The following AMPH variants were observed in gnomAD, a reference collection of about 807,000 sequenced individuals.
The protein encoded by AMPH is amphiphysin.
AMPH carries 49 observed loss-of-function variants against 99.1 expected under a neutral mutation model. The ratio of observed to expected loss-of-function variants is 0.49; its 90% CI spans 0.39 to 0.63. The LOEUF (loss-of-function observed/expected upper bound fraction) is 0.63. Ranked by LOEUF, AMPH falls within the 20% of genes least tolerant of loss-of-function variation. The probability of loss-of-function intolerance (pLI) is 0.00; values close to 1 mark genes in which losing one functional copy is unlikely to be tolerated. For missense variants in AMPH, 759 were observed against 863.4 expected, an observed-to-expected ratio of 0.88 and a Z score of 1.52; for synonymous variants, 314 against 317.3, an observed-to-expected ratio of 0.99 and a Z score of 0.11.
At chr7:38,413,185 A>T (rs1327560663) in intron 17 of AMPH, among the ~76,000 whole-genome samples, 1 of 152,192 alleles carries the variant, frequency 6.6e-6, no homozygotes, top group Non-Finnish European at 1.5e-5. Context: ...AACTGACAAC[A>T]TGTTTTATTT....
At chr7:38,508,445 AT>A (rs1789415505) in intron 2 of AMPH, among the ~76,000 whole-genome samples, 1 of 152,248 alleles carries the variant, frequency 6.6e-6, no homozygotes, top group Admixed American at 6.5e-5. Flanking sequence ...AACTTTTGTT[AT>A]AAAAAGAAAA....
rs369542614 is a variant in AMPH, at chr7:38,577,399, ATC to A, written c.70-42390_70-42389del. ...CCATAAGCAGATGCTAAGAAAGGGT[ATC>A]CACTGGAATGCCACCCCACTCTGAA... is the stretch of plus-strand genomic sequence containing the variant. On this transcript the variant is annotated intron_variant, in intron 1 of 20. Coordinates refer to ENST00000356264, the MANE Select transcript of AMPH (RefSeq NM_001635.4). Among the ~76,000 whole-genome samples the A allele has an allele frequency of 6.1e-3, 924 of 152,312 alleles. 7 individuals are homozygous for A. The highest frequency in any genetic ancestry group is 0.01 in the Non-Finnish European group (695 of 68,020).
intron 17 of AMPH, among the ~76,000 whole-genome samples, chr7:38,413,248 T>C (rs192388962): frequency 1.2e-3 from 186 of 152,268 alleles, no homozygotes; most frequent in Non-Finnish European, 1.3e-4. Flanking sequence ...CCATTTTATA[T>C]TTGAGGTAAG....
chr7:38,509,639 A>C (rs1789462917), intron 2 of AMPH, among the ~76,000 whole-genome samples: 1 of 152,106 alleles, frequency 6.6e-6, no homozygotes, highest in Admixed American at 6.5e-5. Context: ...ACCCTTGAAA[A>C]ACCACTCAGT....
At chr7:38,605,779 A>G (rs1793415548) in intron 1 of AMPH, among the ~76,000 whole-genome samples, 1 of 151,934 alleles carries the variant, frequency 6.6e-6, no homozygotes, top group Non-Finnish European at 1.5e-5. Flanking sequence ...ACAGGGTTTC[A>G]CTATGTTGGC....
rs1370662806 is a variant in AMPH, at chr7:38,391,745, T to C, written c.1878+3A>G. 6.2e-7 allele frequency: 1 copy of C among 1,611,284 alleles called. No individual in the cohort carries two copies. ...ATAAATGAGACTTAAAAAATAAGAA[T>C]ACCTTGTAGAGAAAGCCAGGAGGCA... On this transcript the variant is annotated splice_donor_region_variant and intron_variant, in intron 19 of 20. Transcript: ENST00000356264.
chr7:38,491,491 C>T (rs189001255), intron 4 of AMPH, among the ~76,000 whole-genome samples: 140 of 152,238 alleles, frequency 9.2e-4, no homozygotes, highest in African/African-American at 3.1e-3. Context: ...TTGCTTTTGA[C>T]GCACTCCATG....
At chr7:38,429,478 C>A in intron 14 of AMPH, 1 of 1,317,222 alleles carries the variant, frequency 7.6e-7, no homozygotes, top group Non-Finnish European at 9.9e-7. Flanking sequence ...GTAAATGCAC[C>A]TATATCATTT....
At chr7:38,555,240 A>C (rs1033076696) in intron 1 of AMPH, among the ~76,000 whole-genome samples, 1 of 110,810 alleles carries the variant, frequency 9.0e-6, no homozygotes, top group Non-Finnish European at 1.8e-5. Context: ...ACCTGTCTCT[A>C]ACACAATTTA....
rs561427514 is a variant in AMPH at position 38,476,358 on chromosome 7, T to A, written c.504+504A>T. Reference sequence around the variant, plus strand: ...GTGTGTAGGCACATAGGAAAAGGCATGACTGGAAGAAGAGGGTATAGTTAG... The same window carrying A: ...GTGTGTAGGCACATAGGAAAAGGCAAGACTGGAAGAAGAGGGTATAGTTAG... On this transcript the variant is annotated intron_variant, in intron 6 of 20. Coordinates refer to ENST00000356264, the MANE Select transcript of AMPH (RefSeq NM_001635.4). Among the ~76,000 whole-genome samples the A allele has an allele frequency of 2.0e-5, 3 of 152,306 alleles. No individual in the cohort carries two copies. In the East Asian group the frequency reaches 5.8e-4, roughly 29 times the overall value.
At chr7:38,518,205 T>C (rs1789824542) in intron 2 of AMPH, among the ~76,000 whole-genome samples, 1 of 152,176 alleles carries the variant, frequency 6.6e-6, no homozygotes, top group Non-Finnish European at 1.5e-5. Context: ...TTTGAGGAAA[T>C]GGCTTCTTCC....
At position 38,614,688 on chromosome 7, in the gene AMPH, AG is replaced by A. The variant is rs573511887; in HGVS notation, c.69+16594del. Among the ~76,000 whole-genome samples the A allele has an allele frequency of 4.7e-3, 709 of 152,314 alleles. 8 individuals carry two copies. Among genetic ancestry groups the A allele is most frequent in the African/African-American group, 0.015 (641 of 41,548 alleles). On this transcript the variant is annotated intron_variant, in intron 1 of 20. Transcript: ENST00000356264. The stretch of plus-strand genomic sequence containing the variant: ...ATCTTGTAAGAAATGAAATTAACTC[AG>A]ATACTCAAGCATTCTTTATGATTTT...
intron 5 of AMPH, among the ~76,000 whole-genome samples, chr7:38,484,742 G>A (rs1007525253): frequency 6.6e-6 from 1 of 151,730 alleles, no homozygotes; most frequent in African/African-American, 2.4e-5. Flanking sequence ...TTCAATTCTA[G>A]TATAAAAGTC....
chr7:38,606,617 G>A (rs1178013016), intron 1 of AMPH, among the ~76,000 whole-genome samples: 2 of 140,348 alleles, frequency 1.4e-5, no homozygotes, highest in Non-Finnish European at 3.0e-5. Flanking sequence ...TTGTCGCCCA[G>A]GACAGAATGC....
Position 38,461,386 on chromosome 7 carries a change from G to C in AMPH, c.914C>G (p.Pro305Arg). ...CTTTGTCGGGGTGACTTTAGGTAGA[G>C]GTGGGACAGGAGGCCCTTTCCTTGT... ...SQTRKGPPVP[P>R]LPKVTPTKEL... is the part of the protein sequence containing the mutation. The change falls in exon 11 of 21, where the codon CCT (proline) becomes CGT (arginine). Residue 305 changes from proline (P) to arginine (R), a missense_variant. Transcript: ENST00000356264. 1 of 1,614,168 alleles carries C rather than the reference G, an allele frequency of 6.2e-7. No homozygotes were observed. The highest frequency in any genetic ancestry group is 8.5e-7 in the Non-Finnish European group (1 of 1,179,992).
chr7:38,458,926 T>C (rs1356623176), intron 11 of AMPH, among the ~76,000 whole-genome samples: 1 of 152,120 alleles, frequency 6.6e-6, no homozygotes, highest in Non-Finnish European at 1.5e-5. Flanking sequence ...AGAAGCCAAA[T>C]TGTTCCTCTT....
chr7:38,411,505 T>G (rs1045710603), intron 17 of AMPH, among the ~76,000 whole-genome samples: 1 of 152,182 alleles, frequency 6.6e-6, no homozygotes, highest in African/African-American at 2.4e-5. Context: ...TGCAAGGGCC[T>G]TTCTATCGTG....
At chr7:38,612,915 A>T (rs1226253522) in intron 1 of AMPH, among the ~76,000 whole-genome samples, 1 of 152,252 alleles carries the variant, frequency 6.6e-6, no homozygotes, top group African/African-American at 2.4e-5. Flanking sequence ...GCATATAAAT[A>T]TAGCCCTAAT....
intron 1 of AMPH, among the ~76,000 whole-genome samples, chr7:38,629,175 C>G (rs754938572): frequency 3.9e-5 from 6 of 152,182 alleles, no homozygotes; most frequent in Non-Finnish European, 7.3e-5. Flanking sequence ...GCTTTCCTTT[C>G]TCCAGCAGCC....
Sources: gnomAD v4.1 joint callset for allele counts (sites outside exome capture counted in the v4.1 genomes callset) on GRCh38, gnomAD v4.1.1 for gene constraint, MANE v1.5 for transcripts, NCBI Gene and HGNC (gene_info 2026-07-23, HGNC 2026-07-21) for gene names.